PCDHGA3: variants seen among roughly 807,000 people sequenced by gnomAD.
PCDHGA3 encodes protocadherin gamma-A3.
PCDHGA3 carries 40 observed loss-of-function variants against 58.5 expected under a neutral mutation model. That is an observed-to-expected ratio of 0.68 (90% CI 0.53 to 0.89). The LOEUF (loss-of-function observed/expected upper bound fraction) is 0.89. PCDHGA3 is among the 40% of genes least tolerant of loss of function. PCDHGA3 has a pLI of 0.00. For missense variants in PCDHGA3, 1,223 were observed against 1,195.9 expected, an observed-to-expected ratio of 1.02 and a Z score of -0.33; for synonymous variants, 530 against 525.7, an observed-to-expected ratio of 1.01 and a Z score of -0.11.
At chr5:141,382,844 C>G (rs749994518) in intron 1 of PCDHGA3, 3 of 1,475,612 alleles carry the variant, frequency 2.0e-6, no homozygotes, top group Non-Finnish European at 2.7e-6. Flanking sequence ...CCGGATACAC[C>G]CGCATTCTGA....
chr5:141,372,306 G>A (rs771102617), intron 1 of PCDHGA3: 4 of 1,613,152 alleles, frequency 2.5e-6, no homozygotes, highest in Non-Finnish European at 3.4e-6. Context: ...CAGGGAGGCC[G>A]CCCGCCAGCG....
intron 1 of PCDHGA3, among the ~76,000 whole-genome samples, chr5:141,472,147 G>T (rs2099272889): frequency 6.6e-6 from 1 of 152,112 alleles, no homozygotes; most frequent in South Asian, 2.1e-4. Flanking sequence ...AAAGTTTCAT[G>T]GTTACATAGC....
chr5:141,364,578 G>C, intron 1 of PCDHGA3: 1 of 1,614,212 alleles, frequency 6.2e-7, no homozygotes, highest in Non-Finnish European at 8.5e-7. Flanking sequence ...CGAAGCGGCA[G>C]CTTGGTCACC....
chr5:141,415,740 G>GTTTTTTTTTTT (rs57426385), intron 1 of PCDHGA3: 102 of 625,036 alleles, frequency 1.6e-4, no homozygotes, highest in Admixed American at 2.1e-4. Context: ...GTTTATTAAG[G>GTTTTTTTTTTT]TTTTTTTTTT....
chr5:141,375,336 A>G, intron 1 of PCDHGA3: 1 of 1,613,828 alleles, frequency 6.2e-7, no homozygotes, highest in African/African-American at 1.3e-5. Context: ...GTATTCTTGT[A>G]CAACATCACT....
At chr5:141,365,434 G>C (rs770375441) in intron 1 of PCDHGA3, 7 of 1,614,020 alleles carry the variant, frequency 4.3e-6, no homozygotes, top group Non-Finnish European at 5.9e-6. Flanking sequence ...TAATCGCGCT[G>C]TTTAGCGTAC....
chr5:141,383,611 C>A lies in PCDHGA3; in HGVS notation c.2424+37154C>A, dbSNP rs757490099. ...GGTGACAGTGGTGGATGTGAATGAC[C>A]ACACGCCTGTCTTCTCTCTGCCTCA... On this transcript the variant is annotated intron_variant, in intron 1 of 3. Coordinates refer to ENST00000253812, the MANE Select transcript of PCDHGA3 (RefSeq NM_018916.4). 8 of 1,613,656 alleles carry A rather than the reference C, an allele frequency of 5.0e-6. No individual in the cohort carries two copies. The Admixed American group carries it at 1.3e-4, about 27-fold the overall frequency.
At chr5:141,463,773 C>A (rs2099069188) in intron 1 of PCDHGA3, among the ~76,000 whole-genome samples, 1 of 152,088 alleles carries the variant, frequency 6.6e-6, no homozygotes, top group Non-Finnish European at 1.5e-5. Context: ...GGGTTAGAAT[C>A]CTGCACTGTC....
intron 1 of PCDHGA3, chr5:141,405,303 G>C: frequency 1.2e-6 from 2 of 1,614,230 alleles, no homozygotes; most frequent in African/African-American, 1.3e-5. Context: ...AGCCAGCAGA[G>C]CTGTGAGAAA....
chr5:141,351,011 A>C (rs1417142808), intron 1 of PCDHGA3: 1 of 1,614,030 alleles, frequency 6.2e-7, no homozygotes, highest in Non-Finnish European at 8.5e-7. Flanking sequence ...CCTCCAAGAA[A>C]ACGTACCGTG....
At chr5:141,393,363 A>T (rs1464639963) in intron 1 of PCDHGA3, 1 of 1,613,930 alleles carries the variant, frequency 6.2e-7, no homozygotes, top group South Asian at 1.1e-5. Flanking sequence ...GGACGTGCAG[A>T]CTGGAGACAA....
chr5:141,399,590 T>G, intron 1 of PCDHGA3: 1 of 1,613,972 alleles, frequency 6.2e-7, no homozygotes, highest in East Asian at 2.2e-5. Context: ...TACTCTATCA[T>G]GGCCAGCGAC....
chr5:141,408,404 G>C lies in PCDHGA3; in HGVS notation c.2424+61947G>C, dbSNP rs372659902. ...GGATGTGTCGGCTCGCAAGCTGCGAGTGAGCGCGGAGAAGCTGCACTTCAG... is the reference window on the plus strand; with the variant it reads ...GGATGTGTCGGCTCGCAAGCTGCGACTGAGCGCGGAGAAGCTGCACTTCAG... On this transcript the variant is annotated intron_variant, in intron 1 of 3. Transcript: ENST00000253812. 6.2e-4 allele frequency: 1,002 copies of C among 1,614,072 alleles called. 1 individual carries two copies. The highest frequency in any genetic ancestry group is 8.3e-4 in the Non-Finnish European group (980 of 1,179,896).
chr5:141,468,950 T>TG (rs752125489), intron 1 of PCDHGA3, among the ~76,000 whole-genome samples: 34 of 140,680 alleles, frequency 2.4e-4, no homozygotes, highest in African/African-American at 4.9e-4. Context: ...GGTAAACCTG[T>TG]GGTTTTTTTT....
At chr5:141,404,472 T>C in intron 1 of PCDHGA3, 1 of 1,613,692 alleles carries the variant, frequency 6.2e-7, no homozygotes, top group Non-Finnish European at 8.5e-7. Context: ...TATGTCTCTA[T>C]TAACTCAGAC....
chr5:141,393,113 G>T (rs1296597974), intron 1 of PCDHGA3: 1 of 1,613,500 alleles, frequency 6.2e-7, no homozygotes. Context: ...CTCAGAGCCC[G>T]CGGTGTCTGA....
chr5:141,347,648 A>G lies in PCDHGA3; in HGVS notation c.2424+1191A>G, dbSNP rs539678995. 2.6e-5 allele frequency among the ~76,000 whole-genome samples: 4 copies of G among 152,140 alleles called. No individual in the cohort carries two copies. In the South Asian group the frequency reaches 6.2e-4, roughly 24 times the overall value. On this transcript the variant is annotated intron_variant, in intron 1 of 3. Coordinates refer to ENST00000253812, the MANE Select transcript of PCDHGA3 (RefSeq NM_018916.4). ...CTAAAAATACAAAAATTAGCTGGGC[A>G]TGGTGGTGGGCGCCTGTAATCCAAG...
rs376661062 is a variant in PCDHGA3, at chr5:141,432,185, G to T, written c.2425-62622G>T. 6.2e-6 allele frequency: 10 copies of T among 1,613,956 alleles called. No individual in the cohort carries two copies. The highest frequency in any genetic ancestry group is 8.5e-6 in the Non-Finnish European group (10 of 1,180,030). ...AGGAGTTTCCCTCGTCTCTGTGACC[G>T]CCCACGACCCCGACTGTGAAGAGAA... On this transcript the variant is annotated intron_variant, in intron 1 of 3. Coordinates refer to ENST00000253812, the MANE Select transcript of PCDHGA3 (RefSeq NM_018916.4). The surrounding 1 kb of genome is among the most constrained non-coding windows in gnomAD (Gnocchi z 6.0).
chr5:141,444,467 G>A (rs1288596542), intron 1 of PCDHGA3, among the ~76,000 whole-genome samples: 3 of 151,998 alleles, frequency 2.0e-5, no homozygotes, highest in African/African-American at 4.8e-5. Flanking sequence ...CACTGCGCCC[G>A]GTCGCGTACT....
Sources: gnomAD v4.1 joint callset for allele counts (sites outside exome capture counted in the v4.1 genomes callset) on GRCh38, gnomAD v4.1.1 for gene constraint, Gnocchi (gnomAD v3.1) non-coding constraint, MANE v1.5 for transcripts, NCBI Gene and HGNC (gene_info 2026-07-23, HGNC 2026-07-21) for gene names.